The following ARFGEF2 variants were observed in gnomAD, a reference collection of about 807,000 sequenced individuals.
The protein encoded by ARFGEF2 is ARF guanine nucleotide exchange factor 2.
In ARFGEF2, 74 loss-of-function variants were observed where a neutral mutation model predicts 219.9. The ratio of observed to expected loss-of-function variants is 0.34; its 90% CI spans 0.28 to 0.41. The LOEUF (loss-of-function observed/expected upper bound fraction) is 0.41. ARFGEF2 is among the 10% of genes least tolerant of loss of function. ARFGEF2 has a pLI of 1.00. For missense variants in ARFGEF2, 1,743 were observed against 2,218.3 expected, an observed-to-expected ratio of 0.79 and a Z score of 4.30; for synonymous variants, 733 against 799.2, an observed-to-expected ratio of 0.92 and a Z score of 1.40.
At chr20:49,030,632 A>C (rs1411657467) in intron 37 of ARFGEF2, among the ~76,000 whole-genome samples, 1 of 152,200 alleles carries the variant, frequency 6.6e-6, no homozygotes, top group Non-Finnish European at 1.5e-5. Flanking sequence ...AATTAATTAA[A>C]GGAGGCACCA....
chr20:49,010,649 A>C (rs2123517308), intron 27 of ARFGEF2, among the ~76,000 whole-genome samples: 1 of 152,302 alleles, frequency 6.6e-6, no homozygotes, highest in Middle Eastern at 3.4e-3. Context: ...CAGCAGATAA[A>C]CGTGAATGTT....
chr20:48,976,250 C>T (rs371136373), intron 14 of ARFGEF2, 51 bp downstream of exon 14: 470 of 1,600,570 alleles, frequency 2.9e-4, no homozygotes, highest in Non-Finnish European at 3.7e-4. Context: ...GCCATATTTT[C>T]TCTGGGAACC....
chr20:49,004,834 AG>A (rs1366026729), intron 25 of ARFGEF2, among the ~76,000 whole-genome samples: 2 of 152,280 alleles, frequency 1.3e-5, no homozygotes, highest in East Asian at 3.9e-4. Flanking sequence ...TTAAAAAAGC[AG>A]AAAGTAGCAC....
At chr20:48,930,409 G>T (rs1466295357) in intron 1 of ARFGEF2, among the ~76,000 whole-genome samples, 1 of 152,208 alleles carries the variant, frequency 6.6e-6, no homozygotes, top group Non-Finnish European at 1.5e-5. Flanking sequence ...AGATATTGGT[G>T]GCCTGGACTA....
intron 1 of ARFGEF2, among the ~76,000 whole-genome samples, chr20:48,936,754 C>T (rs994073779): frequency 2.0e-5 from 3 of 152,068 alleles, no homozygotes; most frequent in Non-Finnish European, 4.4e-5. Flanking sequence ...TTTGAACTCC[C>T]TACCTCAGGT....
chr20:48,971,463 A>G, intron 10 of ARFGEF2, 109 bp downstream of exon 10: 1 of 987,432 alleles, frequency 1.0e-6, no homozygotes, highest in South Asian at 1.5e-5. Context: ...CATTAGGAAA[A>G]TGGTTCATGA....
At chr20:48,924,591 A>G (rs1568684050) in intron 1 of ARFGEF2, among the ~76,000 whole-genome samples, 2 of 151,640 alleles carry the variant, frequency 1.3e-5, no homozygotes, top group South Asian at 2.1e-4. Flanking sequence ...ATTACCATGT[A>G]TAGATTGTTG....
chr20:49,022,429 C>A lies in ARFGEF2; in HGVS notation c.4625-622C>A, dbSNP rs781195361. Among the ~76,000 whole-genome samples the A allele has an allele frequency of 4.5e-3, 637 of 140,660 alleles. 1 individual carries two copies. The highest frequency in any genetic ancestry group is 6.1e-3 in the Non-Finnish European group (382 of 62,824). 92.3% of individuals were successfully genotyped at this position (140,660 alleles called of 152,430 possible). A position where few individuals can be genotyped will look rare whatever the true frequency, so the allele number is the denominator to read the frequency against. Reference sequence around the variant, plus strand: ...ATTTAAAAAACAACAACAACAACAACAAAAAAAAAAAACCCACAAGCTTCT... The same window carrying A: ...ATTTAAAAAACAACAACAACAACAAAAAAAAAAAAAAACCCACAAGCTTCT... On this transcript the variant is annotated intron_variant, in intron 34 of 38. Coordinates refer to ENST00000371917, the MANE Select transcript of ARFGEF2 (RefSeq NM_006420.3).
intron 22 of ARFGEF2, 36 bp downstream of exon 22, chr20:48,994,634 T>C: frequency 6.2e-7 from 1 of 1,611,388 alleles, no homozygotes; most frequent in Non-Finnish European, 8.5e-7. Context: ...CAGTCACGGA[T>C]TTGCAAGCTA....
At chr20:48,944,403 C>A (rs948567658) in intron 3 of ARFGEF2, among the ~76,000 whole-genome samples, 5 of 152,062 alleles carry the variant, frequency 3.3e-5, no homozygotes, top group African/African-American at 1.2e-4. Flanking sequence ...GTGTGTAGTC[C>A]CCTCGACAGC....
At chr20:49,000,176 T>C (rs2091417112) in intron 25 of ARFGEF2, among the ~76,000 whole-genome samples, 1 of 152,336 alleles carries the variant, frequency 6.6e-6, no homozygotes, top group East Asian at 1.9e-4. Context: ...AATGAAGCAT[T>C]GTCATATGTA....
In ARFGEF2 at chr20:48,995,789, T is replaced by C. The variant is rs765622958; in HGVS notation, c.3128T>C (p.Leu1043Ser). The C allele has an allele frequency of 6.2e-7, 1 of 1,614,126 alleles. No homozygotes were observed. Among genetic ancestry groups the C allele is most frequent in the Non-Finnish European group, 8.5e-7 (1 of 1,179,986 alleles). ...EEFMGLGLGN[L>S]VSGGVDKRQM... ...TTTGTGCATTGTGTTTCAGGTAATT[T>C]GGTGAGTGGCGGAGTGGATAAAAGA... is the stretch of plus-strand genomic sequence containing the variant. The change falls in exon 23 of 39, where the codon TTG becomes TCG. Residue 1043 changes from leucine to serine, a missense_variant. Coordinates refer to ENST00000371917, the MANE Select transcript of ARFGEF2 (RefSeq NM_006420.3).
At chr20:48,991,580 A>G (rs2091357746) in intron 21 of ARFGEF2, among the ~76,000 whole-genome samples, 1 of 152,174 alleles carries the variant, frequency 6.6e-6, no homozygotes, top group South Asian at 2.1e-4. Context: ...GATAGTCACA[A>G]TGAGCTGTTA....
intron 37 of ARFGEF2, among the ~76,000 whole-genome samples, chr20:49,030,546 A>G (rs1288671371): frequency 6.6e-6 from 1 of 151,972 alleles, no homozygotes; most frequent in Non-Finnish European, 1.5e-5. Context: ...TTTTCTTTAT[A>G]ATTTTTTTCA....
intron 20 of ARFGEF2, 75 bp from the exon 21 acceptor site, chr20:48,990,965 T>C: frequency 6.6e-7 from 1 of 1,522,610 alleles, no homozygotes; most frequent in Non-Finnish European, 9.0e-7. Flanking sequence ...AAGCCCAGTG[T>C]GCCAGCCCTG....
intron 1 of ARFGEF2, among the ~76,000 whole-genome samples, chr20:48,936,375 A>G (rs1350049265): frequency 1.4e-5 from 2 of 143,544 alleles, no homozygotes; most frequent in African/African-American, 2.6e-5. Flanking sequence ...CTCCCGGACG[A>G]GGTGGCTGCC....
chr20:48,989,193 A>G, intron 18 of ARFGEF2, 92 bp from the exon 19 acceptor site: 1 of 1,374,582 alleles, frequency 7.3e-7, no homozygotes, highest in Non-Finnish European at 1.0e-6. Context: ...AGGATTTAGG[A>G]GTTAATCATT....
At chr20:48,922,673 T>C (rs910702044) in intron 1 of ARFGEF2, among the ~76,000 whole-genome samples, 1 of 152,242 alleles carries the variant, frequency 6.6e-6, no homozygotes, top group Non-Finnish European at 1.5e-5. Context: ...GCACAGTAGG[T>C]GCTCGATAAA....
intron 8 of ARFGEF2, among the ~76,000 whole-genome samples, chr20:48,968,703 C>T (rs2091206571): frequency 1.3e-5 from 2 of 152,184 alleles, no homozygotes; most frequent in Non-Finnish European, 2.9e-5. Context: ...CTTACCCAAG[C>T]TAGTATAATT....
Sources: gnomAD v4.1 joint callset for allele counts (sites outside exome capture counted in the v4.1 genomes callset) on GRCh38, gnomAD v4.1.1 for gene constraint, MANE v1.5 for transcripts, NCBI Gene and HGNC (gene_info 2026-07-23, HGNC 2026-07-21) for gene names.